Variants in FAM13A observed in about 807,000 individuals in gnomAD.
FAM13A encodes the protein family with sequence similarity 13 member A, also known as protein FAM13A.
FAM13A carries 76 observed loss-of-function variants against 129.6 expected under a neutral mutation model. That is an observed-to-expected ratio of 0.59 (90% CI 0.49 to 0.71). The LOEUF (loss-of-function observed/expected upper bound fraction) is 0.71, where lower values mean the gene tolerates loss of function less well. Among genes scored for constraint, FAM13A ranks in the 30% least tolerant of loss-of-function variants. The probability of loss-of-function intolerance (pLI) is 0.00; values close to 1 mark genes in which losing one functional copy is unlikely to be tolerated. For missense variants in FAM13A, 1,108 were observed against 1,249.3 expected, an observed-to-expected ratio of 0.89 and a Z score of 1.70; for synonymous variants, 443 against 449.9, an observed-to-expected ratio of 0.98 and a Z score of 0.20.
chr4:88,873,843 G>T (rs901565237), intron 6 of FAM13A, among the ~76,000 whole-genome samples: 3 of 152,098 alleles, frequency 2.0e-5, no homozygotes, highest in African/African-American at 7.2e-5. Flanking sequence ...ACAAAAAAGA[G>T]AATTTTAGAC....
At position 88,748,971 on chromosome 4, in the gene FAM13A, T is replaced by C. The variant is rs1266883691; in HGVS notation, c.2142A>G (p.Lys714=). ...ACCCACCTTTAAGTTGTCTCCGGAATTTGGCAAGGTCATTTGTCCATTTCA... is the reference window on the plus strand; with the variant it reads ...ACCCACCTTTAAGTTGTCTCCGGAACTTGGCAAGGTCATTTGTCCATTTCA... The part of the protein sequence containing the change: ...EVLKWTNDLA[K]FRRQLKESKL... The change falls in exon 17 of 24, where the codon AAA becomes AAG. Residue 714 remains lysine, a synonymous_variant. Coordinates refer to ENST00000264344, the MANE Select transcript of FAM13A (RefSeq NM_014883.4). 6.2e-7 allele frequency: 1 copy of C among 1,613,868 alleles called. No individual in the cohort carries two copies. Among genetic ancestry groups the C allele is most frequent in the Admixed American group, 1.7e-5 (1 of 60,024 alleles).
intron 4 of FAM13A, among the ~76,000 whole-genome samples, chr4:88,945,868 A>G (rs1755651083): frequency 8.0e-6 from 1 of 124,502 alleles, no homozygotes; most frequent in Non-Finnish European, 1.7e-5. Flanking sequence ...ATACACATAG[A>G]ATACATATAT....
rs1436060334 is a variant in FAM13A at position 89,029,494 on chromosome 4, T to C, written c.183A>G (p.Val61=). Residue 61 remains valine, a synonymous_variant, in exon 2 of 24, where the codon GTA becomes GTG. Transcript: ENST00000264344. ...TCAAATATTCCACTATATTCCACAC[T>C]ACTGCTGGAATGCCATTCTCGGTGA... ...QGLTENGIPA[V]VWNIVEYLTQ... 1 of 1,598,346 alleles carries C rather than the reference T, an allele frequency of 6.3e-7. No individual in the cohort carries two copies. Among genetic ancestry groups the C allele is most frequent in the Admixed American group, 1.8e-5 (1 of 54,532 alleles).
chr4:89,024,058 A>G (rs974480519), intron 2 of FAM13A, among the ~76,000 whole-genome samples: 1 of 152,252 alleles, frequency 6.6e-6, no homozygotes, highest in Non-Finnish European at 1.5e-5. Context: ...TGGTTTAGAA[A>G]TGAAGAAAAA....
intron 4 of FAM13A, among the ~76,000 whole-genome samples, chr4:88,943,963 C>T (rs1755207078): frequency 6.6e-6 from 1 of 152,038 alleles, no homozygotes; most frequent in East Asian, 1.9e-4. Context: ...CTTCTGTAAA[C>T]AAAAATGGAA....
intron 21 of FAM13A, among the ~76,000 whole-genome samples, chr4:88,735,245 T>C (rs1467662712): frequency 6.6e-6 from 1 of 152,188 alleles, no homozygotes; most frequent in Non-Finnish European, 1.5e-5. Context: ...AAATTGATAA[T>C]AGCTATGAAT....
intron 1 of FAM13A, among the ~76,000 whole-genome samples, chr4:89,033,613 A>T (rs149936286): frequency 5.1e-4 from 77 of 152,352 alleles, no homozygotes; most frequent in African/African-American, 1.7e-3. Context: ...TACATGTTTC[A>T]TGGTCTCTTT....
chr4:88,891,676 C>T lies in FAM13A; in HGVS notation c.843+14703G>A, dbSNP rs533103260. On this transcript the variant is annotated intron_variant, in intron 6 of 23. Coordinates refer to ENST00000264344, the MANE Select transcript of FAM13A (RefSeq NM_014883.4). ...TTAGAAGAATCTATCAATAAAACTC[C>T]TCACAATAAAAGAGTAAAAGAGAAA... Among the ~76,000 whole-genome samples the T allele has an allele frequency of 2.0e-5, 3 of 152,202 alleles. No homozygotes were observed. The East Asian group carries it at 5.8e-4, about 29-fold the overall frequency.
chr4:88,788,903 T>C (rs865930428), intron 9 of FAM13A, among the ~76,000 whole-genome samples: 2 of 152,188 alleles, frequency 1.3e-5, no homozygotes, highest in African/African-American at 4.8e-5. Context: ...CTCATAGTTA[T>C]TCAAATTTTA....
chr4:88,921,102 ATGG>A (rs1358134767), intron 5 of FAM13A, among the ~76,000 whole-genome samples: 7 of 152,246 alleles, frequency 4.6e-5, no homozygotes, highest in Non-Finnish European at 7.3e-5. Flanking sequence ...GACGGGGAGA[ATGG>A]AACCAAGTTG....
chr4:88,745,773 G>A (rs1212005666), intron 19 of FAM13A, among the ~76,000 whole-genome samples: 1 of 151,632 alleles, frequency 6.6e-6, no homozygotes, highest in Non-Finnish European at 1.5e-5. Context: ...AAGCTTGGCT[G>A]AAACATGAAC....
At chr4:89,019,693 A>T (rs1766980458) in intron 3 of FAM13A, among the ~76,000 whole-genome samples, 1 of 150,534 alleles carries the variant, frequency 6.6e-6, no homozygotes, top group African/African-American at 2.4e-5. Flanking sequence ...CCCAGGAGGC[A>T]GAAGTTGCAG....
chr4:88,837,069 A>G (rs1445968483), intron 7 of FAM13A, among the ~76,000 whole-genome samples: 1 of 151,506 alleles, frequency 6.6e-6, no homozygotes, highest in Non-Finnish European at 1.5e-5. Context: ...ATCTCCACTC[A>G]CCACAACCTC....
chr4:88,975,425 A>G (rs1163830259), intron 4 of FAM13A, among the ~76,000 whole-genome samples: 1 of 152,196 alleles, frequency 6.6e-6, no homozygotes, highest in African/African-American at 2.4e-5. Context: ...ACATGCCTCA[A>G]TATATTTATT....
rs1579237981 is a variant in FAM13A at position 88,911,861 on chromosome 4, A to T, written c.760-5399T>A. On this transcript the variant is annotated intron_variant, in intron 5 of 23. Transcript: ENST00000264344. ...GCTATGGTCCTACTTGCTTCCCTTC[A>T]TAGCAAATTCCTTTAAAACAGCCAT... Among the ~76,000 whole-genome samples, 3 of 152,144 alleles carry T rather than the reference A, an allele frequency of 2.0e-5. No homozygotes were observed. In the South Asian group the frequency reaches 6.2e-4, roughly 31 times the overall value.
chr4:88,977,597 AT>A (rs1005616935), intron 4 of FAM13A, among the ~76,000 whole-genome samples: 37 of 152,338 alleles, frequency 2.4e-4, no homozygotes, highest in African/African-American at 8.9e-4. Context: ...TACAATGCAT[AT>A]TTTTCAAAAC....
At chr4:88,872,559 A>C (rs959442927) in intron 6 of FAM13A, among the ~76,000 whole-genome samples, 14 of 152,216 alleles carry the variant, frequency 9.2e-5, no homozygotes, top group African/African-American at 3.4e-4. Context: ...CATAATGGTA[A>C]AGGGATCAAT....
intron 4 of FAM13A, among the ~76,000 whole-genome samples, chr4:88,939,827 A>G (rs1754463556): frequency 6.6e-6 from 1 of 152,208 alleles, no homozygotes; most frequent in South Asian, 2.1e-4. Context: ...GTGGGGCTAC[A>G]GCCATAAGAA....
chr4:89,013,282 A>AT (rs570512614), intron 3 of FAM13A, among the ~76,000 whole-genome samples: 10,084 of 149,740 alleles, frequency 0.067, 422 homozygotes, highest in Non-Finnish European at 0.097. Context: ...ATATATATAT[A>AT]ACACAGTATA....
Sources: gnomAD v4.1 joint callset for allele counts (sites outside exome capture counted in the v4.1 genomes callset) on GRCh38, gnomAD v4.1.1 for gene constraint, MANE v1.5 for transcripts, NCBI Gene and HGNC (gene_info 2026-07-23, HGNC 2026-07-21) for gene names.